Variants in SPINK1 observed in about 807,000 individuals in gnomAD.
SPINK1 encodes the protein serine peptidase inhibitor Kazal type 1.
A neutral mutation model predicts 9.5 loss-of-function variants in SPINK1; 5 were observed. The ratio of observed to expected loss-of-function variants is 0.52; its 90% CI spans 0.27 to 1.10. The LOEUF is 1.10. Among genes scored for constraint, SPINK1 ranks in the 50% least tolerant of loss-of-function variants. The pLI is 0.11. For synonymous variants in SPINK1, 37 were observed against 32.3 expected (o/e 1.14, Z -0.49); for missense variants, 88 against 92.7 (o/e 0.95, Z 0.21).
chr5:147,828,050 T>C lies in SPINK1; in HGVS notation c.166A>G (p.Asn56Asp). Reference protein sequence around the residue: ...VCGTDGNTYPNECVLCFENRK... With the variant: ...VCGTDGNTYPDECVLCFENRK... ...TTTTCAAAACATAACACGCATTCAT[T>C]GGGATAAGTATTTCCATCAGTCCCA... The change falls in exon 3 of 4, where the codon AAT becomes GAT. Residue 56 changes from asparagine to aspartate, a missense_variant. Physicochemically the swap from Asn to Asp is conservative, Grantham distance 23. Transcript: ENST00000296695. 6.2e-7 allele frequency: 1 copy of C among 1,613,522 alleles called. No homozygotes were observed. The highest frequency in any genetic ancestry group is 8.5e-7 in the Non-Finnish European group (1 of 1,179,820).
intron 3 of SPINK1, among the ~76,000 whole-genome samples, chr5:147,826,351 C>G (rs17717320): frequency 0.21 from 32,038 of 152,062 alleles, 3,708 homozygotes; most frequent in East Asian, 0.54. Context: ...AACATTTTGT[C>G]TCTAGACCTA....
rs765307896 is a variant in SPINK1 at position 147,828,024 on chromosome 5, A to G, written c.192T>C (p.Asn64=). Reference sequence around the variant, plus strand: ...AAGAAACTCAAGTTTGTACTCACCGATTTTCAAAACATAACACGCATTCAT... The same window carrying G: ...AAGAAACTCAAGTTTGTACTCACCGGTTTTCAAAACATAACACGCATTCAT... ...YPNECVLCFE[N]RKRQTSILIQ... The change falls in exon 3 of 4, where the codon AAT becomes AAC. Residue 64 remains asparagine (N), a splice_region_variant and synonymous_variant. Transcript: ENST00000296695. 1.7e-5 allele frequency: 27 copies of G among 1,611,698 alleles called. No homozygotes were observed. In the African/African-American group the frequency reaches 3.3e-4, roughly 20 times the overall value.
chr5:147,827,588 T>C (rs963306703), intron 3 of SPINK1: 4 of 168,008 alleles, frequency 2.4e-5, no homozygotes, highest in Non-Finnish European at 5.1e-5. Context: ...AATCTATTTC[T>C]CTGTATCACA....
chr5:147,830,185 G>A (rs1183465121), intron 1 of SPINK1, among the ~76,000 whole-genome samples: 1 of 152,068 alleles, frequency 6.6e-6, no homozygotes, highest in African/African-American at 2.4e-5. Context: ...GAGTTCTTTT[G>A]CCAACTCACT....
chr5:147,838,985 C>G, the SPINK1 span, among the ~76,000 whole-genome samples: 3 of 152,136 alleles, frequency 2.0e-5, no homozygotes. Context: ...CTTTCCCTCA[C>G]CAGCCTCCTA....
intron 3 of SPINK1, among the ~76,000 whole-genome samples, chr5:147,825,715 A>G (rs1235601937): frequency 1.3e-5 from 2 of 152,192 alleles, no homozygotes; most frequent in Admixed American, 1.3e-4. Flanking sequence ...TGCTGGGATT[A>G]CAGGCATGAG....
At chr5:147,833,583 C>T (rs1259245896), upstream of SPINK1, among the ~76,000 whole-genome samples, 2 of 152,140 alleles carry the variant, frequency 1.3e-5, no homozygotes, top group African/African-American at 4.8e-5. Flanking sequence ...TTCTTGGATT[C>T]ATGTTCAAAA....
chr5:147,829,477 C>T (rs1043821728), intron 2 of SPINK1, 122 bp downstream of exon 2: 14 of 887,254 alleles, frequency 1.6e-5, no homozygotes, highest in African/African-American at 6.6e-5. Flanking sequence ...TCACGTTAAC[C>T]CTCCCTAGCA....
chr5:147,829,374 A>G (rs1756467816), intron 2 of SPINK1, among the ~76,000 whole-genome samples: 2 of 152,180 alleles, frequency 1.3e-5, no homozygotes, highest in African/African-American at 4.8e-5. Flanking sequence ...CACAGCAAGC[A>G]CTGTAGGACT....
chr5:147,830,953 T>G (rs1027313234), intron 1 of SPINK1, among the ~76,000 whole-genome samples: 2 of 152,190 alleles, frequency 1.3e-5, no homozygotes, highest in African/African-American at 4.8e-5. Flanking sequence ...AAATGCAATT[T>G]TTGTATTTCC....
upstream of SPINK1, among the ~76,000 whole-genome samples, chr5:147,835,622 C>G (rs1425486050): frequency 6.6e-6 from 1 of 152,080 alleles, no homozygotes; most frequent in Non-Finnish European, 1.5e-5. Context: ...GATTCAAGGA[C>G]TAATTATTCA....
At chr5:147,836,243 A>G (rs1756592454), upstream of SPINK1, among the ~76,000 whole-genome samples, 1 of 151,774 alleles carries the variant, frequency 6.6e-6, no homozygotes, top group African/African-American at 2.4e-5. Flanking sequence ...AAGCACAGAG[A>G]TTTCAGTTTT....
upstream of SPINK1, chr5:147,831,914 C>T (rs539679756): frequency 1.0e-5 from 9 of 877,554 alleles, no homozygotes; most frequent in South Asian, 1.6e-4. Flanking sequence ...CCTGTTTTCT[C>T]ACCTGTAAGA....
intron 2 of SPINK1, among the ~76,000 whole-genome samples, chr5:147,828,353 C>T (rs1756448899): frequency 1.3e-5 from 2 of 152,192 alleles, no homozygotes; most frequent in South Asian, 4.1e-4. Context: ...TATGGCCCTT[C>T]TGAAACTCAG....
At chr5:147,831,919 G>GT (rs1756516564), upstream of SPINK1, 1 of 819,188 alleles carries the variant, frequency 1.2e-6, no homozygotes, top group African/African-American at 1.8e-5. Context: ...TTTCTCACCT[G>GT]TAAGATGAAC....
the SPINK1 span, among the ~76,000 whole-genome samples, chr5:147,837,314 A>G: frequency 6.6e-6 from 1 of 152,190 alleles, no homozygotes; most frequent in Non-Finnish European, 1.5e-5. Flanking sequence ...ACAAAATGAA[A>G]CAAAAGAAAA....
chr5:147,828,557 T>G (rs1756453535), intron 2 of SPINK1, among the ~76,000 whole-genome samples: 1 of 152,202 alleles, frequency 6.6e-6, no homozygotes, highest in African/African-American at 2.4e-5. Context: ...GGTCTTCTAT[T>G]AGGCACTTAA....
At chr5:147,831,418 A>G in intron 1 of SPINK1, 105 bp downstream of exon 1, 1 of 1,440,998 alleles carries the variant, frequency 6.9e-7, no homozygotes, top group Non-Finnish European at 9.6e-7. Flanking sequence ...GGTCCAAAAC[A>G]TCTCTCGAAG....
the SPINK1 span, among the ~76,000 whole-genome samples, chr5:147,838,836 AGGCCTACAGTATTCCC>A: frequency 2.6e-5 from 4 of 151,940 alleles, no homozygotes; most frequent in Non-Finnish European, 4.4e-5. Context: ...CCATCACTCT[AGGCCTACAGTATTCCC>A]CCACGGTTCC....
Sources: gnomAD v4.1 joint callset for allele counts (sites outside exome capture counted in the v4.1 genomes callset) on GRCh38, gnomAD v4.1.1 for gene constraint, MANE v1.5 for transcripts, NCBI Gene and HGNC (gene_info 2026-07-23, HGNC 2026-07-21) for gene names.